Variants in TAF4B observed in about 807,000 individuals in gnomAD.
TAF4B encodes TATA-box binding protein associated factor 4b, also known as transcription initiation factor TFIID subunit 4B.
TAF4B carries 38 observed loss-of-function variants against 86.4 expected under a neutral mutation model. That is an observed-to-expected ratio of 0.44 (90% CI 0.34 to 0.58). TAF4B has a LOEUF of 0.58. Among genes scored for constraint, TAF4B ranks in the 20% least tolerant of loss-of-function variants. The pLI, the probability that TAF4B is intolerant of heterozygous loss-of-function variation, is 0.02. For missense variants in TAF4B, 988 were observed against 1,027.6 expected (o/e 0.96, Z 0.53); for synonymous variants, 388 against 391.2 (o/e 0.99, Z 0.10).
At chr18:26,300,388 A>G (rs2056716995) in intron 9 of TAF4B, among the ~76,000 whole-genome samples, 1 of 149,830 alleles carries the variant, frequency 6.7e-6, no homozygotes, top group Admixed American at 6.6e-5. Flanking sequence ...AGGCTACAAG[A>G]TAAAAACAAC....
chr18:26,335,179 G>T lies in TAF4B; in HGVS notation c.2264G>T (p.Arg755Leu), dbSNP rs189153847. The change falls in exon 13 of 15, where the codon CGT becomes CTT. Residue 755 changes from arginine to leucine, a missense_variant. Physicochemically the swap from Arg to Leu is moderately radical, Grantham distance 102 (BLOSUM62 -2). Coordinates refer to ENST00000269142, the MANE Select transcript of TAF4B (RefSeq NM_005640.3). ...AATTTTCTTTTCCTTTGATAGAGTC[G>T]TTCTAATAAAGAAGATCCAGAACAG... ...REMLLKAAKS[R>L]SNKEDPEQLR... 1 of 1,611,954 alleles carries T rather than the reference G, an allele frequency of 6.2e-7. No individual in the cohort carries two copies. Among genetic ancestry groups the T allele is most frequent in the South Asian group, 1.1e-5 (1 of 90,806 alleles).
intron 9 of TAF4B, among the ~76,000 whole-genome samples, chr18:26,296,383 A>T (rs1434613482): frequency 1.4e-5 from 2 of 147,442 alleles, no homozygotes; most frequent in East Asian, 4.2e-4. Flanking sequence ...CTGACTTGGG[A>T]TGTATTTAGT....
chr18:26,377,094 G>C (rs2057447914), intron 14 of TAF4B, among the ~76,000 whole-genome samples: 1 of 152,004 alleles, frequency 6.6e-6, no homozygotes, highest in Admixed American at 6.6e-5. Context: ...TTTCATTGAA[G>C]AGTTTTGCAT....
chr18:26,251,923 A>G (rs1234268606), intron 1 of TAF4B, among the ~76,000 whole-genome samples: 2 of 152,182 alleles, frequency 1.3e-5, no homozygotes, highest in African/African-American at 4.8e-5. Context: ...AGCTATTCTA[A>G]TATTGCCTCC....
intron 9 of TAF4B, among the ~76,000 whole-genome samples, chr18:26,304,237 C>T (rs1598780565): frequency 7.8e-6 from 1 of 128,602 alleles, no homozygotes; most frequent in African/African-American, 2.9e-5. Context: ...AATATATGTT[C>T]ACATTTAAAG....
chr18:26,376,079 C>T (rs2057440733), intron 14 of TAF4B, among the ~76,000 whole-genome samples: 1 of 152,078 alleles, frequency 6.6e-6, no homozygotes, highest in Non-Finnish European at 1.5e-5. Flanking sequence ...TGTCCTTACA[C>T]CAGTACCACA....
Position 26,343,841 on chromosome 18 carries a change from C to T in TAF4B, c.2316+8610C>T, listed in dbSNP as rs539696142. On this transcript the variant is annotated intron_variant, in intron 13 of 14. Transcript: ENST00000269142. ...TCCTGGAATCAATCCCCCATGTATA[C>T]CAAGGGACGACTGTATTCAAAATAT... is the stretch of plus-strand genomic sequence containing the variant. 2.6e-5 allele frequency among the ~76,000 whole-genome samples: 4 copies of T among 152,194 alleles called. No individual in the cohort carries two copies. The South Asian group carries it at 8.3e-4, about 32-fold the overall frequency.
intron 13 of TAF4B, among the ~76,000 whole-genome samples, chr18:26,349,316 CTTA>C (rs2057225585): frequency 6.6e-6 from 1 of 151,982 alleles, no homozygotes; most frequent in Non-Finnish European, 1.5e-5. Context: ...TCAAAGGATT[CTTA>C]TTGACTACCA....
intron 7 of TAF4B, among the ~76,000 whole-genome samples, chr18:26,288,941 T>A (rs1791766): frequency 2.0e-5 from 3 of 152,004 alleles, no homozygotes; most frequent in Admixed American, 1.3e-4. Flanking sequence ...TGAATTCTGC[T>A]TTCTTGTTTG....
chr18:26,328,391 A>G (rs1284089824), intron 12 of TAF4B, among the ~76,000 whole-genome samples: 1 of 152,058 alleles, frequency 6.6e-6, no homozygotes, highest in Non-Finnish European at 1.5e-5. Context: ...TGGAGGTTGC[A>G]GTGAGCTGAA....
At chr18:26,309,442 G>A (rs2056832239) in intron 9 of TAF4B, among the ~76,000 whole-genome samples, 1 of 151,848 alleles carries the variant, frequency 6.6e-6, no homozygotes, top group Non-Finnish European at 1.5e-5. Flanking sequence ...TGGAAGAACT[G>A]TATGACTCAG....
At chr18:26,301,633 C>A in intron 9 of TAF4B, among the ~76,000 whole-genome samples, 1 of 152,210 alleles carries the variant, frequency 6.6e-6, no homozygotes, top group Non-Finnish European at 1.5e-5. Flanking sequence ...TTCCAATGTC[C>A]GGGTTACCTG....
intron 14 of TAF4B, among the ~76,000 whole-genome samples, chr18:26,370,459 C>T (rs1456262404): frequency 1.3e-5 from 2 of 152,162 alleles, no homozygotes; most frequent in East Asian, 3.9e-4. Context: ...CCACCCTTGC[C>T]AGTCCTTCTA....
chr18:26,282,275 A>G (rs1056791558), intron 6 of TAF4B, among the ~76,000 whole-genome samples: 1 of 152,342 alleles, frequency 6.6e-6, no homozygotes, highest in East Asian at 1.9e-4. Flanking sequence ...ATTCATGAAC[A>G]TAAGTTCATT....
At chr18:26,324,207 G>A (rs914015096) in intron 11 of TAF4B, among the ~76,000 whole-genome samples, 2 of 152,166 alleles carry the variant, frequency 1.3e-5, no homozygotes, top group Non-Finnish European at 2.9e-5. Flanking sequence ...ACTCTTTAAA[G>A]TATCTTACAG....
rs148607651 is a variant in TAF4B, at chr18:26,356,557, T to C, written c.2317-1133T>C. Among the ~76,000 whole-genome samples, 291 of 152,340 alleles carry C rather than the reference T, an allele frequency of 1.9e-3. 2 individuals carry two copies. Among genetic ancestry groups the C allele is most frequent in the African/African-American group, 6.8e-3 (284 of 41,580 alleles). ...TTAAAAGATTTTGGTTAGTACTCTTTTGAAAGAATATTCTCAGTACATGTA... is the reference window on the plus strand; with the variant it reads ...TTAAAAGATTTTGGTTAGTACTCTTCTGAAAGAATATTCTCAGTACATGTA... On this transcript the variant is annotated intron_variant, in intron 13 of 14. Coordinates refer to ENST00000269142, the MANE Select transcript of TAF4B (RefSeq NM_005640.3).
At chr18:26,312,588 G>T (rs1433288857) in intron 9 of TAF4B, among the ~76,000 whole-genome samples, 1 of 152,186 alleles carries the variant, frequency 6.6e-6, no homozygotes, top group African/African-American at 2.4e-5. Context: ...TCTGTTCAGT[G>T]CTAATACAAT....
At chr18:26,261,357 C>T (rs1225642298) in intron 1 of TAF4B, among the ~76,000 whole-genome samples, 10 of 151,606 alleles carry the variant, frequency 6.6e-5, no homozygotes, top group Admixed American at 2.0e-4. Flanking sequence ...CCCGCCACTA[C>T]GCCCGGCTAA....
chr18:26,274,991 T>G lies in TAF4B; in HGVS notation c.820T>G (p.Cys274Gly). 6.2e-7 allele frequency: 1 copy of G among 1,612,846 alleles called. No individual in the cohort carries two copies. Among genetic ancestry groups the G allele is most frequent in the Non-Finnish European group, 8.5e-7 (1 of 1,179,828 alleles). ...NFLAMLIKLA[C>G]SGSQSPEMGQ... ...CCTTGCAATGTTAATAAAACTAGCATGTAGTGGATCACAGTCCCCAGAAAT... is the reference window on the plus strand; with the variant it reads ...CCTTGCAATGTTAATAAAACTAGCAGGTAGTGGATCACAGTCCCCAGAAAT... Residue 274 changes from cysteine to glycine, a missense_variant, in exon 5 of 15, where the codon TGT becomes GGT. Physicochemically the swap from Cys to Gly is radical, Grantham distance 159 (BLOSUM62 -3). Around this residue, in one of 3 missense-constraint regions of TAF4B, gnomAD observed 747 missense variants for 737.9 expected, o/e 1.01. Transcript: ENST00000269142.
Sources: allele counts gnomAD v4.1 joint callset (sites outside exome capture counted in the v4.1 genomes callset), GRCh38; gene constraint gnomAD v4.1.1; regional missense constraint gnomAD v4.1.1; transcripts MANE v1.5; gene names NCBI Gene and HGNC (gene_info 2026-07-23, HGNC 2026-07-21).